Variants in ADD2 observed in about 807,000 individuals in gnomAD.
ADD2 encodes adducin 2, also known as beta-adducin.
A neutral mutation model predicts 83.0 loss-of-function variants in ADD2; 23 were observed. The ratio of observed to expected loss-of-function variants is 0.28; its 90% CI spans 0.20 to 0.39. The LOEUF is 0.39. ADD2 is among the 10% of genes least tolerant of loss of function. The pLI, the probability that ADD2 is intolerant of heterozygous loss-of-function variation, is 1.00. For synonymous variants in ADD2, 375 were observed against 375.4 expected, an observed-to-expected ratio of 1.00 and a Z score of 0.01; for missense variants, 758 against 944.9, an observed-to-expected ratio of 0.80 and a Z score of 2.59.
At chr2:70,720,082 A>G (rs1055210571) in intron 1 of ADD2, among the ~76,000 whole-genome samples, 1 of 152,106 alleles carries the variant, frequency 6.6e-6, no homozygotes, top group Admixed American at 6.6e-5. Flanking sequence ...TAAGGTTGAA[A>G]TTGTTTTGTG....
chr2:70,713,054 CT>C lies in ADD2; in HGVS notation c.-35+11del. On this transcript the variant is annotated intron_variant, in intron 2 of 15. Transcript: ENST00000264436. Reference sequence around the variant, plus strand: ...TCACCCCCGTCACCACCAGAAACTACTGCTTACTTACCGGGAGGCTGGCCCA... The same window carrying C: ...TCACCCCCGTCACCACCAGAAACTACGCTTACTTACCGGGAGGCTGGCCCA... 1.0e-6 allele frequency: 1 copy of C among 981,274 alleles called. No individual in the cohort carries two copies. Among genetic ancestry groups the C allele is most frequent in the Non-Finnish European group, 1.2e-6 (1 of 826,148 alleles). 60.8% of individuals were successfully genotyped at this position (981,274 alleles called of 1,614,324 possible). A position where few individuals can be genotyped will look rare whatever the true frequency, so the allele number is the denominator to read the frequency against.
intron 1 of ADD2, among the ~76,000 whole-genome samples, chr2:70,720,032 CATAAG>C (rs3836145): frequency 0.31 from 47,529 of 151,656 alleles, 8,129 homozygotes; most frequent in African/African-American, 0.47. Flanking sequence ...TATCCTAAGC[CATAAG>C]ATAAGAGGTG....
intron 2 of ADD2, among the ~76,000 whole-genome samples, chr2:70,710,053 G>C (rs1273827504): frequency 6.6e-6 from 1 of 152,190 alleles, no homozygotes; most frequent in East Asian, 1.9e-4. Flanking sequence ...TCTCTGTTTA[G>C]TGACTCATCA....
At chr2:70,678,630 C>T (rs1174301439) in intron 11 of ADD2, 74 bp downstream of exon 11, 24 of 1,500,048 alleles carry the variant, frequency 1.6e-5, no homozygotes, top group Admixed American at 9.5e-5. Flanking sequence ...GTTCTGTTCC[C>T]GTTTTAAAAA....
At chr2:70,672,355 C>T (rs1048783221) in intron 15 of ADD2, among the ~76,000 whole-genome samples, 2 of 152,230 alleles carry the variant, frequency 1.3e-5, no homozygotes, top group African/African-American at 4.8e-5. Context: ...TGACTCCAGA[C>T]TTTTCTGAGT....
Position 70,706,448 on chromosome 2 carries a change from G to A in ADD2, c.-34-6C>T. 2 of 1,573,558 alleles carry A rather than the reference G, an allele frequency of 1.3e-6. No individual in the cohort carries two copies. Among genetic ancestry groups the A allele is most frequent in the Non-Finnish European group, 1.7e-6 (2 of 1,161,942 alleles). ...TGCAATTCGCTCCTGGAACTCTACA[G>A]AGAAGGGGAGAGGGTATGCGGTCAG... is the stretch of plus-strand genomic sequence containing the variant. On this transcript the variant is annotated splice_polypyrimidine_tract_variant and splice_region_variant and intron_variant, in intron 2 of 15. Transcript: ENST00000264436. This position sits in a 1 kb window ranked among gnomAD's most constrained non-coding sequence, Gnocchi z 5.0.
chr2:70,672,789 T>C, intron 15 of ADD2, 89 bp downstream of exon 15: 2 of 1,426,404 alleles, frequency 1.4e-6, no homozygotes, highest in Non-Finnish European at 9.4e-7. Flanking sequence ...ATTTTCAGAT[T>C]AGGGGCAACA....
chr2:70,764,009 T>G (rs1165851423), intron 1 of ADD2, among the ~76,000 whole-genome samples: 11 of 151,560 alleles, frequency 7.3e-5, no homozygotes, highest in African/African-American at 2.7e-4. Context: ...TGCCTCAGCC[T>G]CCCGAGTAGC....
chr2:70,692,806 T>C (rs148226178), intron 6 of ADD2, among the ~76,000 whole-genome samples: 4 of 152,290 alleles, frequency 2.6e-5, no homozygotes, highest in South Asian at 2.1e-4. Flanking sequence ...TTTGTTCACG[T>C]GAATCACCTG....
intron 1 of ADD2, among the ~76,000 whole-genome samples, chr2:70,726,784 A>T (rs1574293901): frequency 6.6e-6 from 1 of 152,146 alleles, no homozygotes; most frequent in Non-Finnish European, 1.5e-5. Context: ...TGCATGCCCC[A>T]GGTTTGGGGA....
At chr2:70,745,424 G>T (rs1384895439) in intron 1 of ADD2, among the ~76,000 whole-genome samples, 4 of 152,330 alleles carry the variant, frequency 2.6e-5, no homozygotes, top group African/African-American at 9.6e-5. Flanking sequence ...CAGAATCAGA[G>T]GAGAGGGAAC....
rs1670571451 is a variant in ADD2, at chr2:70,683,612, G to T, written c.1104C>A (p.Leu368=). The T allele has an allele frequency of 6.2e-7, 1 of 1,613,232 alleles. No homozygotes were observed. The highest frequency in any genetic ancestry group is 1.3e-5 in the African/African-American group (1 of 74,922). The change falls in exon 10 of 16, where the codon CTC becomes CTA. Residue 368 remains leucine, a synonymous_variant. Coordinates refer to ENST00000264436, the MANE Select transcript of ADD2 (RefSeq NM_001617.4). The part of the protein sequence containing the change: ...SRLGEHEFEA[L]MRMLDNLGYR... ...TCACCAGGTTGTCCAGCATCCTCAT[G>T]AGGGCCTCAAACTCATGCTCCCCCA...
In ADD2 at chr2:70,676,128, GA is replaced by G; in HGVS notation, c.1593+667del. The G allele has an allele frequency of 1.0e-6, 1 of 985,444 alleles. No homozygotes were observed. The highest frequency in any genetic ancestry group is 1.2e-6 in the Non-Finnish European group (1 of 829,954). The allele number at this position is 985,444 out of a possible 1,614,324, so 61.0% of individuals were successfully genotyped here. ...TATTTCCCCAATTTTTACTGCTAAGGAAAATGTCATGCCCATTGCTACCTTG... is the reference window on the plus strand; with the variant it reads ...TATTTCCCCAATTTTTACTGCTAAGGAAATGTCATGCCCATTGCTACCTTG... On this transcript the variant is annotated intron_variant, in intron 13 of 15. Coordinates refer to ENST00000264436, the MANE Select transcript of ADD2 (RefSeq NM_001617.4). This position sits in a 1 kb window ranked among gnomAD's most constrained non-coding sequence, Gnocchi z 4.8.
chr2:70,701,644 T>A (rs1337530812), intron 4 of ADD2, among the ~76,000 whole-genome samples: 1 of 152,028 alleles, frequency 6.6e-6, no homozygotes, highest in African/African-American at 2.4e-5. Flanking sequence ...ATATTAAAAT[T>A]TAAATAAGAG....
At position 70,661,452 on chromosome 2, in the gene ADD2, T is replaced by C. The variant is rs1482979798; in HGVS notation, c.*1973A>G. Reference sequence around the variant, plus strand: ...ATGAGTGGGTTGTCCCTCCTAAAATTTGACCCAATCAGGAAGTAGAACAGA... The same window carrying C: ...ATGAGTGGGTTGTCCCTCCTAAAATCTGACCCAATCAGGAAGTAGAACAGA... On this transcript the variant is annotated 3_prime_UTR_variant, in exon 16 of 16. Transcript: ENST00000264436. The C allele has an allele frequency of 1.3e-5, 2 of 152,134 alleles. No individual in the cohort carries two copies. The highest frequency in any genetic ancestry group is 4.8e-5 in the African/African-American group (2 of 41,422). 9.4% of individuals were successfully genotyped at this position (152,134 alleles called of 1,614,324 possible).
intron 1 of ADD2, among the ~76,000 whole-genome samples, chr2:70,724,463 G>A (rs1672880303): frequency 6.6e-6 from 1 of 152,190 alleles, no homozygotes; most frequent in African/African-American, 2.4e-5. Context: ...GGGCAGGTAT[G>A]TCTCTGCCCC....
chr2:70,674,968 C>A, intron 13 of ADD2, 143 bp from the exon 14 acceptor site: 3 of 1,376,068 alleles, frequency 2.2e-6, no homozygotes, highest in Non-Finnish European at 2.9e-6. Flanking sequence ...CAGCTCAGGG[C>A]CTTGGGGTAG....
chr2:70,702,082 T>G (rs528121021), intron 4 of ADD2, among the ~76,000 whole-genome samples: 3 of 152,230 alleles, frequency 2.0e-5, no homozygotes, highest in Non-Finnish European at 4.4e-5. Flanking sequence ...ATCAATTTAT[T>G]CGTTTAATGT....
intron 15 of ADD2, 134 bp downstream of exon 15, chr2:70,672,744 T>C (rs1051765383): frequency 9.7e-7 from 1 of 1,034,426 alleles, no homozygotes; most frequent in Non-Finnish European, 1.4e-6. Flanking sequence ...TGATAACCCC[T>C]ATTTCTGATT....
Sources: gnomAD v4.1 joint callset for allele counts (sites outside exome capture counted in the v4.1 genomes callset) on GRCh38, gnomAD v4.1.1 for gene constraint, Gnocchi (gnomAD v3.1) non-coding constraint, MANE v1.5 for transcripts, NCBI Gene and HGNC (gene_info 2026-07-23, HGNC 2026-07-21) for gene names.